Variants in ERCC6L2 observed in about 807,000 individuals in gnomAD.
The protein encoded by ERCC6L2 is ERCC excision repair 6 like 2.
In ERCC6L2, 77 loss-of-function variants were observed where a neutral mutation model predicts 132.0. The ratio of observed to expected loss-of-function variants is 0.58; its 90% CI spans 0.49 to 0.71. ERCC6L2 has a LOEUF of 0.71. ERCC6L2 is among the 30% of genes least tolerant of loss of function. ERCC6L2 has a pLI of 0.00. For synonymous variants in ERCC6L2, 583 were observed against 632.4 expected, an observed-to-expected ratio of 0.92 and a Z score of 1.17; for missense variants, 1,542 against 1,837.6, an observed-to-expected ratio of 0.84 and a Z score of 2.94.
intron 17 of ERCC6L2, among the ~76,000 whole-genome samples, chr9:95,983,538 C>G (rs1832970718): frequency 6.6e-6 from 1 of 152,188 alleles, no homozygotes; most frequent in Non-Finnish European, 1.5e-5. Context: ...CTGACTGACT[C>G]TAACTAGTGG....
chr9:95,959,795 A>G (rs909093647), intron 13 of ERCC6L2, among the ~76,000 whole-genome samples: 24 of 152,274 alleles, frequency 1.6e-4, no homozygotes, highest in African/African-American at 5.3e-4. Context: ...GAAAGCAAGA[A>G]GAGTTTTCTT....
At position 95,916,419 on chromosome 9, in the gene ERCC6L2, T is replaced by TA; in HGVS notation, c.1145dup (p.Lys383GlufsTer35). On this transcript the variant is annotated frameshift_variant, in exon 6 of 19. Coordinates refer to ENST00000653738, the MANE Select transcript of ERCC6L2 (RefSeq NM_020207.7). LOFTEE classifies it high-confidence loss of function. ...AGACTCTTATCAAGGATCAGTTGCC[T>TA]AAGAAGGAAGACCGGGTAAGAACCG... 6.4e-7 allele frequency: 1 copy of TA among 1,567,266 alleles called. No homozygotes were observed. The highest frequency in any genetic ancestry group is 8.6e-7 in the Non-Finnish European group (1 of 1,163,240).
chr9:95,928,571 A>C, intron 10 of ERCC6L2, 148 bp from the exon 11 acceptor site: 1 of 668,840 alleles, frequency 1.5e-6, no homozygotes, highest in Non-Finnish European at 2.3e-6. Context: ...TATGGGTCAG[A>C]AGTGAGAAAA....
chr9:95,921,243 G>A lies in ERCC6L2; in HGVS notation c.1227G>A (p.Val409=). Residue 409 remains valine (V), a synonymous_variant, in exon 7 of 19, where the codon GTG becomes GTA. Coordinates refer to ENST00000653738, the MANE Select transcript of ERCC6L2 (RefSeq NM_020207.7). ...VYQTVLETED[V]TLILQSSEPC... ...AAACAGTGTTAGAAACAGAGGACGT[G>A]ACTTTGATACTTCAATCTTCTGAGC... is the stretch of plus-strand genomic sequence containing the variant. 1 of 1,613,554 alleles carries A rather than the reference G, an allele frequency of 6.2e-7. No homozygotes were observed.
intron 18 of ERCC6L2, 106 bp downstream of exon 18, chr9:96,004,807 G>T: frequency 1.4e-6 from 1 of 696,040 alleles, no homozygotes; most frequent in Non-Finnish European, 2.1e-6. Context: ...ACTGACATCT[G>T]AATATTTCAG....
chr9:95,955,500 C>T (rs1418307767), intron 12 of ERCC6L2, among the ~76,000 whole-genome samples: 25 of 151,702 alleles, frequency 1.6e-4, no homozygotes, highest in Non-Finnish European at 1.5e-5. Context: ...TCCCATTCTT[C>T]CCCATCCCCT....
intron 17 of ERCC6L2, among the ~76,000 whole-genome samples, chr9:95,987,868 G>A (rs1283431125): frequency 2.0e-5 from 3 of 152,202 alleles, no homozygotes; most frequent in Non-Finnish European, 4.4e-5. Flanking sequence ...GGACATCCAA[G>A]GGTTTCCATC....
At chr9:95,944,953 C>T (rs552160131) in intron 12 of ERCC6L2, among the ~76,000 whole-genome samples, 9 of 152,178 alleles carry the variant, frequency 5.9e-5, no homozygotes, top group South Asian at 4.2e-4. Flanking sequence ...ACCACAGGAC[C>T]GGGGCGAAAT....
chr9:95,945,916 G>C (rs762351003), intron 12 of ERCC6L2, among the ~76,000 whole-genome samples: 1 of 152,012 alleles, frequency 6.6e-6, no homozygotes, highest in Non-Finnish European at 1.5e-5. Flanking sequence ...GAGAAAAGTG[G>C]GGCTGGCAGA....
chr9:95,886,803 G>T (rs749176311), intron 2 of ERCC6L2, among the ~76,000 whole-genome samples: 37 of 152,202 alleles, frequency 2.4e-4, no homozygotes, highest in Non-Finnish European at 4.4e-4. Context: ...GAGTCAGTGG[G>T]CTGGGAAAGA....
chr9:95,949,003 A>T (rs950962870), intron 12 of ERCC6L2, among the ~76,000 whole-genome samples: 2 of 152,024 alleles, frequency 1.3e-5, no homozygotes, highest in Admixed American at 1.3e-4. Context: ...TATGAGCAAG[A>T]TGAGAGTATC....
chr9:96,037,689 C>A (rs1329800502), intron 19 of ERCC6L2, among the ~76,000 whole-genome samples: 1 of 152,088 alleles, frequency 6.6e-6, no homozygotes, highest in Non-Finnish European at 1.5e-5. Flanking sequence ...TAAACGAGGA[C>A]TGCGCCAGGA....
At chr9:95,969,283 T>G (rs1832304128) in intron 14 of ERCC6L2, among the ~76,000 whole-genome samples, 1 of 152,114 alleles carries the variant, frequency 6.6e-6, no homozygotes, top group African/African-American at 2.4e-5. Context: ...TAGTCTGATT[T>G]ATATTAGCTT....
Position 95,966,588 on chromosome 9 carries a change from T to C in ERCC6L2, c.1974T>C (p.Ser658=). Residue 658 remains serine, a synonymous_variant, in exon 14 of 19, where the codon AGT becomes AGC. Coordinates refer to ENST00000653738, the MANE Select transcript of ERCC6L2 (RefSeq NM_020207.7). ...AACTTCACTGTGTGGTGGTTGGAAGTGAAAATGCCAAACGATATTTTGAAG... is the reference window on the plus strand; with the variant it reads ...AACTTCACTGTGTGGTGGTTGGAAGCGAAAATGCCAAACGATATTTTGAAG... ...KQQLHCVVVG[S]ENAKRYFEAV... is the part of the protein sequence containing the mutation. The C allele has an allele frequency of 6.6e-7, 1 of 1,521,578 alleles. No homozygotes were observed. The highest frequency in any genetic ancestry group is 8.9e-7 in the Non-Finnish European group (1 of 1,118,298). 94.3% of individuals were successfully genotyped at this position (1,521,578 alleles called of 1,614,324 possible). A position where few individuals can be genotyped will look rare whatever the true frequency, so the allele number is the denominator to read the frequency against.
At position 95,972,656 on chromosome 9, in the gene ERCC6L2, T is replaced by C; in HGVS notation, c.2905T>C (p.Ser969Pro). ...AAGTCCTGAGAACACAACCCTGAAA[T>C]CTATTTTGAAAAGAAAAGGCACCAG... Reference protein sequence around the residue: ...KLSPENTTLKSILKRKGTSDI... With the variant: ...KLSPENTTLKPILKRKGTSDI... The change falls in exon 16 of 19, where the codon TCT (serine) becomes CCT (proline). Residue 969 changes from serine to proline, a missense_variant. Physicochemically the swap from Ser to Pro is moderately conservative, Grantham distance 74. Around this residue, in one of 4 missense-constraint regions of ERCC6L2, gnomAD observed 945 missense variants for 1,105.2 expected, o/e 0.86. Coordinates refer to ENST00000653738, the MANE Select transcript of ERCC6L2 (RefSeq NM_020207.7). 1 of 1,296,398 alleles carries C rather than the reference T, an allele frequency of 7.7e-7. No homozygotes were observed. The highest frequency in any genetic ancestry group is 1.0e-6 in the Non-Finnish European group (1 of 988,856). 80.3% of individuals were successfully genotyped at this position (1,296,398 alleles called of 1,614,324 possible).
At chr9:95,974,646 C>T (rs1832581376) in intron 16 of ERCC6L2, among the ~76,000 whole-genome samples, 1 of 151,968 alleles carries the variant, frequency 6.6e-6, no homozygotes, top group African/African-American at 2.4e-5. Context: ...TGTTTCAAGA[C>T]CACAGTCTGG....
At chr9:95,981,680 C>A (rs1267151965) in intron 17 of ERCC6L2, among the ~76,000 whole-genome samples, 1 of 152,148 alleles carries the variant, frequency 6.6e-6, no homozygotes, top group African/African-American at 2.4e-5. Flanking sequence ...TTTGAAGGAA[C>A]TGATAATACC....
At chr9:95,967,667 C>T (rs1240729468) in intron 14 of ERCC6L2, 1 of 152,158 alleles carries the variant, frequency 6.6e-6, no homozygotes, top group Admixed American at 6.5e-5. Context: ...TACTATTATA[C>T]AGTTTCTGAT....
At chr9:95,990,049 T>G (rs2133154217) in intron 17 of ERCC6L2, among the ~76,000 whole-genome samples, 1 of 152,266 alleles carries the variant, frequency 6.6e-6, no homozygotes, top group East Asian at 1.9e-4. Flanking sequence ...TAAGAACAAG[T>G]CATGAAGGGC....
Sources: allele counts gnomAD v4.1 joint callset (sites outside exome capture counted in the v4.1 genomes callset), GRCh38; gene constraint gnomAD v4.1.1; regional missense constraint gnomAD v4.1.1; transcripts MANE v1.5; gene names NCBI Gene and HGNC (gene_info 2026-07-23, HGNC 2026-07-21).